Variants in NRG1 observed in about 807,000 individuals in gnomAD.
NRG1 encodes the protein pro-neuregulin-1, membrane-bound isoform.
In NRG1, 18 loss-of-function variants were observed where a neutral mutation model predicts 63.8. The observed-to-expected ratio is 0.28, with a 90% confidence interval of 0.19 to 0.42. NRG1 has a LOEUF of 0.42. Ranked by LOEUF, NRG1 falls within the 10% of genes least tolerant of loss-of-function variation. The pLI, the probability that NRG1 is intolerant of heterozygous loss-of-function variation, is 1.00. For synonymous variants in NRG1, 302 were observed against 301.3 expected, an observed-to-expected ratio of 1.00 and a Z score of -0.02; for missense variants, 762 against 814.7, an observed-to-expected ratio of 0.94 and a Z score of 0.79.
intron 1 of NRG1, among the ~76,000 whole-genome samples, chr8:31,827,094 G>GT (rs1471949239): frequency 3.9e-5 from 6 of 151,956 alleles, no homozygotes; most frequent in Non-Finnish European, 5.9e-5. Flanking sequence ...ATTATATTTT[G>GT]TTTTTTTCTG....
chr8:32,482,684 G>C (rs1379789753), intron 1 of NRG1, among the ~76,000 whole-genome samples: 1 of 152,220 alleles, frequency 6.6e-6, no homozygotes, highest in Non-Finnish European at 1.5e-5. Flanking sequence ...ACAGGGGACG[G>C]GTGCTGACAA....
chr8:32,578,011 T>C (rs1015127587), intron 1 of NRG1, among the ~76,000 whole-genome samples: 2 of 152,146 alleles, frequency 1.3e-5, no homozygotes, highest in African/African-American at 4.8e-5. Context: ...TTGTTTGTTT[T>C]TGAGATGGAG....
chr8:32,168,050 C>T lies in NRG1; in HGVS notation c.38-427778C>T, dbSNP rs564726090. Among the ~76,000 whole-genome samples, 3 of 152,174 alleles carry T rather than the reference C, an allele frequency of 2.0e-5. No homozygotes were observed. The South Asian group carries it at 6.2e-4, about 32-fold the overall frequency. The stretch of plus-strand genomic sequence containing the variant: ...GGGAAAAAAATATAGCTCTCCCTGC[C>T]CACATCCCACATTGTTACATCACTG... On this transcript the variant is annotated intron_variant, in intron 1 of 10. Coordinates refer to the NRG1 transcript ENST00000519301.
chr8:32,476,142 C>T (rs140412476), intron 1 of NRG1, among the ~76,000 whole-genome samples: 339 of 151,622 alleles, frequency 2.2e-3, no homozygotes, highest in African/African-American at 7.8e-3. Context: ...GTGTATTTGA[C>T]AAAAATTGGG....
intron 1 of NRG1, among the ~76,000 whole-genome samples, chr8:32,509,689 G>T (rs1828943626): frequency 6.6e-6 from 1 of 152,160 alleles, no homozygotes; most frequent in Admixed American, 6.5e-5. Flanking sequence ...GGGCTTCATT[G>T]AGGAGGATGA....
chr8:32,202,304 C>A (rs551562152), intron 1 of NRG1, among the ~76,000 whole-genome samples: 40 of 152,228 alleles, frequency 2.6e-4, no homozygotes, highest in Non-Finnish European at 4.3e-4. Flanking sequence ...CCCTGACTCC[C>A]TTCACAGGAC....
intron 1 of NRG1, among the ~76,000 whole-genome samples, chr8:32,018,565 A>C (rs1031770662): frequency 2.0e-5 from 3 of 152,152 alleles, no homozygotes; most frequent in Non-Finnish European, 4.4e-5. Context: ...TCTCTGAGTA[A>C]AATGCTTTTT....
At chr8:32,033,380 A>G (rs1818573401) in intron 1 of NRG1, among the ~76,000 whole-genome samples, 1 of 152,184 alleles carries the variant, frequency 6.6e-6, no homozygotes. Context: ...GTTGTATAGC[A>G]TGATGCCTCC....
Position 31,640,221 on chromosome 8 carries a change from C to G in NRG1, c.37+790C>G, listed in dbSNP as rs1803605183. 1.4e-5 allele frequency: 16 copies of G among 1,162,360 alleles called. No individual in the cohort carries two copies. The highest frequency in any genetic ancestry group is 1.6e-5 in the Non-Finnish European group (15 of 942,862). 72.0% of individuals were successfully genotyped at this position (1,162,360 alleles called of 1,614,324 possible). A position where few individuals can be genotyped will look rare whatever the true frequency, so the allele number is the denominator to read the frequency against. ...CGGTGCAGGAGCTAGCTCAGCGCGC[C>G]GCGGTGGTGATCGAGGGAAAGGTGC... On this transcript the variant is annotated intron_variant, in intron 1 of 10. Transcript: ENST00000519301. This position sits in a 1 kb window ranked among gnomAD's most constrained non-coding sequence, Gnocchi z 6.3.
At chr8:31,931,960 T>A (rs944357892) in intron 1 of NRG1, among the ~76,000 whole-genome samples, 1 of 152,138 alleles carries the variant, frequency 6.6e-6, no homozygotes, top group Non-Finnish European at 1.5e-5. Context: ...GCCAGAGCTG[T>A]CATTGTGCTG....
At chr8:31,787,200 C>A in intron 1 of NRG1, among the ~76,000 whole-genome samples, 1 of 152,148 alleles carries the variant, frequency 6.6e-6, no homozygotes, top group African/African-American at 2.4e-5. Context: ...AATTATAATA[C>A]GAATTTTTTT....
In NRG1 at chr8:31,920,863, CATAG is replaced by C. The variant is rs796780293; in HGVS notation, c.37+281449_37+281452del. Among the ~76,000 whole-genome samples the C allele has an allele frequency of 1.7e-3, 234 of 141,076 alleles. 3 individuals are homozygous for C. Among genetic ancestry groups the C allele is most frequent in the Middle Eastern group, 3.5e-3 (1 of 284 alleles). The allele number at this position is 141,076 out of a possible 152,430, so 92.6% of individuals were successfully genotyped here. On this transcript the variant is annotated intron_variant, in intron 1 of 10. Coordinates refer to the NRG1 transcript ENST00000519301. ...TAAACTTTTTTAAGATGGATAGATACATAGATAGATAGATAGATAGGTAGATAGA... is the reference window on the plus strand; with the variant it reads ...TAAACTTTTTTAAGATGGATAGATACATAGATAGATAGATAGGTAGATAGA...
chr8:32,281,209 G>A (rs894050512), intron 1 of NRG1, among the ~76,000 whole-genome samples: 16 of 21,954 alleles, frequency 7.3e-4, no homozygotes, highest in Admixed American at 1.4e-3. Context: ...ACAGAATCTC[G>A]CTCTGTCGCT....
At chr8:31,901,230 C>T (rs1003687105) in intron 1 of NRG1, among the ~76,000 whole-genome samples, 13 of 152,272 alleles carry the variant, frequency 8.5e-5, no homozygotes, top group African/African-American at 3.1e-4. Flanking sequence ...TTCACAAAAG[C>T]AAATGATGAT....
intron 1 of NRG1, among the ~76,000 whole-genome samples, chr8:31,772,732 T>C (rs960494420): frequency 6.6e-6 from 1 of 152,064 alleles, no homozygotes; most frequent in African/African-American, 2.4e-5. Flanking sequence ...CAGGTAGATA[T>C]AAAAGGCTCT....
In NRG1 at chr8:32,565,840, C is replaced by T. The variant is rs1390858605; in HGVS notation, c.100+17014C>T. Among the ~76,000 whole-genome samples the T allele has an allele frequency of 4.6e-5, 7 of 152,104 alleles. No individual in the cohort carries two copies. The East Asian group carries it at 1.2e-3, about 25-fold the overall frequency. On this transcript the variant is annotated intron_variant, in intron 1 of 11. Coordinates refer to ENST00000356819, the Ensembl canonical transcript of NRG1. ...TCTGTGCTTGATGGTTGGTCTCTGACCCTGTGTTGGCCATTGCTCTGTAAA... is the reference window on the plus strand; with the variant it reads ...TCTGTGCTTGATGGTTGGTCTCTGATCCTGTGTTGGCCATTGCTCTGTAAA...
At chr8:32,080,414 T>C (rs1444591683) in intron 1 of NRG1, among the ~76,000 whole-genome samples, 2 of 152,164 alleles carry the variant, frequency 1.3e-5, no homozygotes, top group Non-Finnish European at 2.9e-5. Flanking sequence ...CCTTAATTTA[T>C]CCCTCAACCT....
At chr8:31,706,886 G>A (rs547638385) in intron 1 of NRG1, among the ~76,000 whole-genome samples, 5 of 151,330 alleles carry the variant, frequency 3.3e-5, no homozygotes, top group Non-Finnish European at 5.9e-5. Flanking sequence ...TTTTATTGTT[G>A]ATCTTTTTAT....
chr8:32,556,933 C>T (rs569240036), intron 1 of NRG1, among the ~76,000 whole-genome samples: 4 of 152,294 alleles, frequency 2.6e-5, no homozygotes, highest in South Asian at 2.1e-4. Flanking sequence ...AAACAAGTAA[C>T]GTGTGTTATT....
Sources: allele counts gnomAD v4.1 joint callset (sites outside exome capture counted in the v4.1 genomes callset), GRCh38; gene constraint gnomAD v4.1.1; non-coding constraint Gnocchi (gnomAD v3.1); transcripts MANE v1.5; gene names NCBI Gene and HGNC (gene_info 2026-07-23, HGNC 2026-07-21).